The following SUPT3H variants were observed in gnomAD, a reference collection of about 807,000 sequenced individuals.
SUPT3H encodes transcription initiation protein SPT3 homolog.
A neutral mutation model predicts 44.3 loss-of-function variants in SUPT3H; 44 were observed. The ratio of observed to expected loss-of-function variants is 0.99; its 90% confidence interval spans 0.78 to 1.28. The LOEUF (loss-of-function observed/expected upper bound fraction) is 1.28. SUPT3H is among the 50% of genes most tolerant of loss of function. SUPT3H has a pLI of 0.00. For missense variants in SUPT3H, 380 were observed against 387.1 expected (o/e 0.98, Z 0.15); for synonymous variants, 124 against 125.6 (o/e 0.99, Z 0.09).
intron 10 of SUPT3H, among the ~76,000 whole-genome samples, chr6:44,922,736 C>A (rs1443881273): frequency 6.6e-6 from 1 of 152,038 alleles, no homozygotes. Flanking sequence ...TCAACATGAG[C>A]AACTTAATGT....
Position 45,231,219 on chromosome 6 carries a change from T to C in SUPT3H, c.102-125213A>G, listed in dbSNP as rs190964226. On this transcript the variant is annotated intron_variant, in intron 2 of 10. Transcript: ENST00000371459. ...TTTCAAGTGTTTTCATAATGGTAAC[T>C]GTCACCCTTTTGCTTGCTTCTAGGT... Among the ~76,000 whole-genome samples the C allele has an allele frequency of 6.6e-5, 10 of 152,318 alleles. No individual in the cohort carries two copies. In the East Asian group the frequency reaches 1.9e-3, roughly 29 times the overall value.
chr6:45,030,765 GT>G (rs1484197987), intron 3 of SUPT3H, among the ~76,000 whole-genome samples: 1 of 152,126 alleles, frequency 6.6e-6, no homozygotes, highest in East Asian at 1.9e-4. Context: ...AATTACCCTT[GT>G]TTTGGCAAAA....
chr6:44,897,483 T>A (rs1292613528), intron 10 of SUPT3H, among the ~76,000 whole-genome samples: 1 of 152,240 alleles, frequency 6.6e-6, no homozygotes, highest in Non-Finnish European at 1.5e-5. Flanking sequence ...TATAGCCTAA[T>A]CTTCAGCATT....
chr6:45,033,038 T>C (rs1319945868), intron 3 of SUPT3H, among the ~76,000 whole-genome samples: 1 of 151,970 alleles, frequency 6.6e-6, no homozygotes, highest in Non-Finnish European at 1.5e-5. Context: ...ATGTGATCAA[T>C]AACTAAATAT....
intron 10 of SUPT3H, among the ~76,000 whole-genome samples, chr6:44,843,943 AC>A (rs1781369673): frequency 6.8e-6 from 1 of 146,326 alleles, no homozygotes; most frequent in Non-Finnish European, 1.5e-5. Flanking sequence ...ACACACACAC[AC>A]ACACACACAC....
intron 2 of SUPT3H, among the ~76,000 whole-genome samples, chr6:45,124,739 G>A (rs1802176400): frequency 6.6e-6 from 1 of 151,860 alleles, no homozygotes; most frequent in South Asian, 2.1e-4. Flanking sequence ...TAAAAAAACT[G>A]TTATAGGTTG....
intron 2 of SUPT3H, 49 bp downstream of exon 2, chr6:45,365,152 T>A: frequency 8.8e-7 from 1 of 1,132,982 alleles, no homozygotes; most frequent in Non-Finnish European, 1.3e-6. Context: ...TCTTTCAACA[T>A]GAATAAATTT....
chr6:45,245,228 A>C (rs1378326194), intron 2 of SUPT3H, among the ~76,000 whole-genome samples: 1 of 152,128 alleles, frequency 6.6e-6, no homozygotes, highest in African/African-American at 2.4e-5. Flanking sequence ...TACCAAGGTA[A>C]TGTGTATTCT....
At chr6:45,121,712 G>C (rs1801699217) in intron 2 of SUPT3H, among the ~76,000 whole-genome samples, 1 of 151,918 alleles carries the variant, frequency 6.6e-6, no homozygotes, top group Admixed American at 6.6e-5. Context: ...ATTCGCTCTT[G>C]TTGCCTAGGC....
At chr6:44,954,248 G>A (rs1774768613) in intron 8 of SUPT3H, among the ~76,000 whole-genome samples, 1 of 152,170 alleles carries the variant, frequency 6.6e-6, no homozygotes. Flanking sequence ...TCAAGAAAAA[G>A]CATGCAGGGA....
chr6:45,059,940 T>C (rs575517424), intron 3 of SUPT3H, among the ~76,000 whole-genome samples: 4 of 152,012 alleles, frequency 2.6e-5, no homozygotes, highest in Admixed American at 2.6e-4. Context: ...TCAAGGAAAT[T>C]ACAGAGGACA....
At chr6:45,096,831 T>C (rs1339660800) in intron 3 of SUPT3H, among the ~76,000 whole-genome samples, 2 of 151,968 alleles carry the variant, frequency 1.3e-5, no homozygotes, top group African/African-American at 4.8e-5. Flanking sequence ...TCAAAGTATA[T>C]CATAATAAGT....
chr6:45,377,100 TCA>T (rs55895465), intron 1 of SUPT3H, among the ~76,000 whole-genome samples: 34,248 of 151,948 alleles, frequency 0.23, 4,509 homozygotes, highest in Non-Finnish European at 0.31. Context: ...GAAAATAAGG[TCA>T]CAGTCATTCT....
chr6:45,319,873 A>C (rs1049979329), intron 2 of SUPT3H, among the ~76,000 whole-genome samples: 1 of 152,182 alleles, frequency 6.6e-6, no homozygotes, highest in Non-Finnish European at 1.5e-5. Flanking sequence ...GTGAACTCTA[A>C]AAGAGAGAAC....
chr6:44,811,447 AG>A (rs1207899202), intron 11 of SUPT3H, among the ~76,000 whole-genome samples: 1 of 152,256 alleles, frequency 6.6e-6, no homozygotes, highest in Non-Finnish European at 1.5e-5. Flanking sequence ...AAGTAGACAA[AG>A]GTTGGATAGA....
chr6:45,152,903 G>C (rs1263477253), intron 2 of SUPT3H, among the ~76,000 whole-genome samples: 1 of 152,100 alleles, frequency 6.6e-6, no homozygotes, highest in Non-Finnish European at 1.5e-5. Flanking sequence ...TGCCCTACAA[G>C]GTCTGGCTTC....
chr6:44,954,683 A>G, intron 7 of SUPT3H, 76 bp from the exon 8 acceptor site: 1 of 811,402 alleles, frequency 1.2e-6, no homozygotes, highest in East Asian at 2.5e-5. Context: ...CTATCACAAA[A>G]TTAAAAAAGT....
At chr6:45,186,882 C>T (rs1310665484) in intron 2 of SUPT3H, among the ~76,000 whole-genome samples, 66 of 152,032 alleles carry the variant, frequency 4.3e-4, no homozygotes, top group Admixed American at 4.3e-3. Context: ...TAACACCTTG[C>T]TATGTTCCCT....
intron 2 of SUPT3H, among the ~76,000 whole-genome samples, chr6:45,208,652 A>G (rs1320741634): frequency 6.6e-6 from 1 of 150,838 alleles, no homozygotes; most frequent in Non-Finnish European, 1.5e-5. Flanking sequence ...TGAACACAGG[A>G]GGTGGAGGTT....
Sources: gnomAD v4.1 joint callset for allele counts (sites outside exome capture counted in the v4.1 genomes callset) on GRCh38, gnomAD v4.1.1 for gene constraint, MANE v1.5 for transcripts, NCBI Gene and HGNC (gene_info 2026-07-23, HGNC 2026-07-21) for gene names.